GRID2: variants seen among roughly 807,000 people sequenced by gnomAD.
GRID2 encodes glutamate receptor ionotropic, delta-2.
GRID2 carries 33 observed loss-of-function variants against 114.8 expected under a neutral mutation model. That is an observed-to-expected ratio of 0.29 (90% CI 0.22 to 0.38). GRID2 has a LOEUF of 0.38. Ranked by LOEUF, GRID2 falls within the 10% of genes least tolerant of loss-of-function variation. The pLI is 1.00. For synonymous variants in GRID2, 505 were observed against 449.9 expected, an observed-to-expected ratio of 1.12 and a Z score of -1.55; for missense variants, 1,184 against 1,257.7, an observed-to-expected ratio of 0.94 and a Z score of 0.89.
intron 1 of GRID2, among the ~76,000 whole-genome samples, chr4:92,308,397 A>AT: frequency 6.6e-6 from 1 of 152,252 alleles, no homozygotes; most frequent in South Asian, 2.1e-4. Context: ...TCACTAGCAT[A>AT]TTTTTGTTGT....
At chr4:92,561,776 A>T (rs756377672) in intron 1 of GRID2, among the ~76,000 whole-genome samples, 4 of 152,128 alleles carry the variant, frequency 2.6e-5, no homozygotes, top group Admixed American at 6.5e-5. Flanking sequence ...TCAACCATAT[A>T]TTTGAGAGTT....
intron 2 of GRID2, among the ~76,000 whole-genome samples, chr4:93,027,532 G>T (rs1723994882): frequency 6.6e-6 from 1 of 152,012 alleles, no homozygotes; most frequent in Non-Finnish European, 1.5e-5. Context: ...ATTAATCTTT[G>T]CCTACCTGTC....
At chr4:92,667,111 A>G (rs13142861) in intron 2 of GRID2, among the ~76,000 whole-genome samples, 53,854 of 151,282 alleles carry the variant, frequency 0.36, 9,730 homozygotes, top group East Asian at 0.45. Context: ...AAGTGATACT[A>G]ACCAAAATCT....
At chr4:92,957,772 T>C (rs147552604) in intron 2 of GRID2, among the ~76,000 whole-genome samples, 3 of 152,102 alleles carry the variant, frequency 2.0e-5, no homozygotes, top group African/African-American at 7.2e-5. Context: ...ATATTGAATC[T>C]TTTTGTCCAT....
rs1266380726 is a variant in GRID2, at chr4:92,578,916, A to G, written c.89-11215A>G. Among the ~76,000 whole-genome samples the G allele has an allele frequency of 3.9e-5, 6 of 152,196 alleles. No homozygotes were observed. In the East Asian group the frequency reaches 7.7e-4, roughly 20 times the overall value. Reference sequence around the variant, plus strand: ...TCGAGGTCACTGTAAATTTTCATCTATTTACCAAAAAACCAGAATTCACAG... The same window carrying G: ...TCGAGGTCACTGTAAATTTTCATCTGTTTACCAAAAAACCAGAATTCACAG... On this transcript the variant is annotated intron_variant, in intron 1 of 15. Transcript: ENST00000282020.
intron 1 of GRID2, among the ~76,000 whole-genome samples, chr4:92,526,128 A>C (rs539201125): frequency 6.6e-6 from 1 of 151,974 alleles, no homozygotes; most frequent in Non-Finnish European, 1.5e-5. Context: ...GAAGAAGGGA[A>C]AAAGGGAGGC....
chr4:92,864,901 C>A (rs1368287550), intron 2 of GRID2, among the ~76,000 whole-genome samples: 1 of 152,146 alleles, frequency 6.6e-6, no homozygotes, highest in Non-Finnish European at 1.5e-5. Flanking sequence ...GCCTAACTAA[C>A]CCGTCTACCT....
intron 2 of GRID2, among the ~76,000 whole-genome samples, chr4:92,923,782 A>G (rs1283454027): frequency 6.6e-6 from 1 of 152,174 alleles, no homozygotes; most frequent in Non-Finnish European, 1.5e-5. Context: ...AGAGACTGCG[A>G]CATTGAAATT....
intron 2 of GRID2, among the ~76,000 whole-genome samples, chr4:92,976,321 T>G (rs1010474696): frequency 2.0e-5 from 3 of 151,940 alleles, no homozygotes; most frequent in African/African-American, 7.2e-5. Flanking sequence ...TTTAAATCAT[T>G]TTCGTAGTGA....
chr4:93,727,547 T>C (rs1578674270), intron 14 of GRID2, among the ~76,000 whole-genome samples: 1 of 152,012 alleles, frequency 6.6e-6, no homozygotes. Context: ...ATTGGAATAG[T>C]TTCAGAAGGA....
At chr4:93,661,665 C>A (rs1247751141) in intron 14 of GRID2, among the ~76,000 whole-genome samples, 1 of 152,140 alleles carries the variant, frequency 6.6e-6, no homozygotes, top group Non-Finnish European at 1.5e-5. Flanking sequence ...AGAAACCTAA[C>A]CCTGAATTTC....
intron 1 of GRID2, among the ~76,000 whole-genome samples, chr4:92,461,666 G>A (rs1721501826): frequency 6.6e-6 from 1 of 151,626 alleles, no homozygotes; most frequent in Non-Finnish European, 1.5e-5. Flanking sequence ...TTTTCTTCCT[G>A]ATCTCTTAAA....
chr4:93,735,593 G>A (rs1730859308), intron 14 of GRID2, among the ~76,000 whole-genome samples: 1 of 151,968 alleles, frequency 6.6e-6, no homozygotes, highest in Non-Finnish European at 1.5e-5. Flanking sequence ...TTACAAAAAT[G>A]ATGGAAATGT....
chr4:92,481,689 C>T (rs1722595939), intron 1 of GRID2, among the ~76,000 whole-genome samples: 1 of 151,840 alleles, frequency 6.6e-6, no homozygotes, highest in Admixed American at 6.6e-5. Context: ...GCTATTCAGG[C>T]TCTTTTTTGG....
chr4:92,451,040 C>G (rs771460931), intron 1 of GRID2, among the ~76,000 whole-genome samples: 4 of 151,786 alleles, frequency 2.6e-5, no homozygotes, highest in Non-Finnish European at 4.4e-5. Context: ...TATTCAGCAC[C>G]TTTCAATGCA....
chr4:92,413,782 A>G (rs1374152753), intron 1 of GRID2, among the ~76,000 whole-genome samples: 2 of 152,158 alleles, frequency 1.3e-5, no homozygotes, highest in African/African-American at 2.4e-5. Flanking sequence ...TGTTAGTGAT[A>G]GTAATTTCAC....
chr4:93,338,881 C>T (rs1041790226), intron 8 of GRID2, among the ~76,000 whole-genome samples: 1 of 152,128 alleles, frequency 6.6e-6, no homozygotes, highest in African/African-American at 2.4e-5. Context: ...GAAGGCTCCT[C>T]CCTCACAAAA....
At chr4:92,469,455 T>A (rs867021002) in intron 1 of GRID2, among the ~76,000 whole-genome samples, 1 of 152,140 alleles carries the variant, frequency 6.6e-6, no homozygotes, top group South Asian at 2.1e-4. Flanking sequence ...ATTTAGATAA[T>A]CTCTAGATTA....
chr4:92,726,126 GT>G (rs1158234152), intron 2 of GRID2, among the ~76,000 whole-genome samples: 1 of 152,060 alleles, frequency 6.6e-6, no homozygotes, highest in Non-Finnish European at 1.5e-5. Context: ...CATTTTGCCT[GT>G]TTACCAGGAA....
Sources: gnomAD v4.1 joint callset for allele counts (sites outside exome capture counted in the v4.1 genomes callset) on GRCh38, gnomAD v4.1.1 for gene constraint, MANE v1.5 for transcripts, NCBI Gene and HGNC (gene_info 2026-07-23, HGNC 2026-07-21) for gene names.